Variants in AUTS2 observed in about 807,000 individuals in gnomAD.
AUTS2 encodes activator of transcription and developmental regulator AUTS2.
A neutral mutation model predicts 112.4 loss-of-function variants in AUTS2; 17 were observed. The observed-to-expected ratio is 0.15, with a 90% CI of 0.10 to 0.23. The LOEUF (loss-of-function observed/expected upper bound fraction) is 0.23, where lower values mean the gene tolerates loss of function less well. Ranked by LOEUF, AUTS2 falls within the 10% of genes least tolerant of loss-of-function variation. AUTS2 has a pLI of 1.00. For synonymous variants in AUTS2, 751 were observed against 702.7 expected (o/e 1.07, Z -1.09); for missense variants, 1,510 against 1,701.6 (o/e 0.89, Z 1.98).
At position 70,418,075 on chromosome 7, in the gene AUTS2, C is replaced by CTGTGTGTGTGTGTGTG. The variant is rs34869843; in HGVS notation, c.661-17655_661-17640dup. On this transcript the variant is annotated intron_variant, in intron 4 of 18. Coordinates refer to ENST00000342771, the MANE Select transcript of AUTS2 (RefSeq NM_015570.4). Reference sequence around the variant, plus strand: ...TCACCCAGGCTTGGTGGCTAACTTTCTGTGTGTGTGTGTGTGTGTGTGTGT... The same window carrying CTGTGTGTGTGTGTGTG: ...TCACCCAGGCTTGGTGGCTAACTTTCTGTGTGTGTGTGTGTGTGTGTGTGTGTGTGTGTGTGTGTGT... Among the ~76,000 whole-genome samples, 947 of 136,436 alleles carry CTGTGTGTGTGTGTGTG rather than the reference C, an allele frequency of 6.9e-3. 11 individuals are homozygous for CTGTGTGTGTGTGTGTG. The highest frequency in any genetic ancestry group is 0.011 in the Middle Eastern group (3 of 264). The allele number at this position is 136,436 out of a possible 152,430, so 89.5% of individuals were successfully genotyped here. A position where few individuals can be genotyped will look rare whatever the true frequency, so the allele number is the denominator to read the frequency against.
intron 5 of AUTS2, among the ~76,000 whole-genome samples, chr7:70,609,390 G>A (rs1585372952): frequency 7.1e-6 from 1 of 139,920 alleles, no homozygotes; most frequent in Non-Finnish European, 1.5e-5. Flanking sequence ...GGACAGGATT[G>A]TCTTTTTTTT....
At chr7:70,474,817 A>G (rs1417206368) in intron 5 of AUTS2, among the ~76,000 whole-genome samples, 1 of 152,234 alleles carries the variant, frequency 6.6e-6, no homozygotes, top group Non-Finnish European at 1.5e-5. Context: ...GTGAAGGACC[A>G]GGAAACAGAC....
chr7:69,904,135 A>G (rs1313570028), intron 2 of AUTS2, among the ~76,000 whole-genome samples: 1 of 152,186 alleles, frequency 6.6e-6, no homozygotes, highest in Non-Finnish European at 1.5e-5. Context: ...TAGTGGTGCT[A>G]TAGACTTAAG....
At chr7:70,313,841 C>T (rs1270694400) in intron 4 of AUTS2, among the ~76,000 whole-genome samples, 1 of 152,158 alleles carries the variant, frequency 6.6e-6, no homozygotes, top group Non-Finnish European at 1.5e-5. Context: ...CTTATCCCCC[C>T]GTGGAGACGT....
At chr7:70,752,344 T>A (rs773572590) in intron 6 of AUTS2, among the ~76,000 whole-genome samples, 4 of 152,186 alleles carry the variant, frequency 2.6e-5, no homozygotes, top group Non-Finnish European at 5.9e-5. Flanking sequence ...TGGAAGTGAC[T>A]GGAGATTGCA....
intron 4 of AUTS2, among the ~76,000 whole-genome samples, chr7:70,263,963 G>A (rs562526871): frequency 3.9e-5 from 6 of 152,240 alleles, no homozygotes; most frequent in African/African-American, 1.4e-4. Flanking sequence ...GGAAGTTACC[G>A]GGGGGTCATG....
intron 4 of AUTS2, among the ~76,000 whole-genome samples, chr7:70,408,945 T>C (rs1794659491): frequency 6.6e-6 from 1 of 152,246 alleles, no homozygotes; most frequent in Non-Finnish European, 1.5e-5. Flanking sequence ...CTCTAGATGA[T>C]TCTCAAAATA....
At chr7:70,381,272 G>C (rs1404488512) in intron 4 of AUTS2, among the ~76,000 whole-genome samples, 1 of 152,190 alleles carries the variant, frequency 6.6e-6, no homozygotes, top group African/African-American at 2.4e-5. Flanking sequence ...ATGCAATAGT[G>C]AAGAAATCAA....
At chr7:70,561,340 C>G (rs779752932) in intron 5 of AUTS2, among the ~76,000 whole-genome samples, 1 of 152,142 alleles carries the variant, frequency 6.6e-6, no homozygotes, top group Non-Finnish European at 1.5e-5. Context: ...CATAGGGTAG[C>G]CATAGGGCCA....
chr7:70,340,411 A>G (rs946897697), intron 4 of AUTS2, among the ~76,000 whole-genome samples: 2 of 151,972 alleles, frequency 1.3e-5, no homozygotes, highest in African/African-American at 4.8e-5. Context: ...TAACTGAAAG[A>G]TCTGAATCTC....
At chr7:70,757,729 T>TCCA (rs1198583986) in intron 6 of AUTS2, among the ~76,000 whole-genome samples, 2 of 150,976 alleles carry the variant, frequency 1.3e-5, no homozygotes, top group East Asian at 3.9e-4. Flanking sequence ...TCCCTGTCTA[T>TCCA]CCAGTTCTCA....
At chr7:69,602,228 A>G (rs924935987) in intron 1 of AUTS2, among the ~76,000 whole-genome samples, 2 of 152,006 alleles carry the variant, frequency 1.3e-5, no homozygotes, top group East Asian at 3.9e-4. Flanking sequence ...GTGCCTAAAA[A>G]ACTTGTAATT....
intron 1 of AUTS2, 85 bp downstream of exon 1, chr7:69,600,047 C>A (rs1209384131): frequency 5.1e-6 from 7 of 1,376,440 alleles, no homozygotes; most frequent in East Asian, 2.5e-5. Flanking sequence ...CCTCGCCGCG[C>A]TCCGGGCTGT....
intron 5 of AUTS2, among the ~76,000 whole-genome samples, chr7:70,679,953 G>A (rs576829330): frequency 3.3e-5 from 5 of 152,192 alleles, no homozygotes; most frequent in Admixed American, 6.5e-5. Context: ...TAATGGCCCC[G>A]TAGTACCAAC....
chr7:70,084,109 G>C, intron 2 of AUTS2, among the ~76,000 whole-genome samples: 1 of 151,890 alleles, frequency 6.6e-6, no homozygotes. Flanking sequence ...CAAATTAACT[G>C]TTTTTTGTCA....
chr7:70,492,210 AG>A (rs1335817868), intron 5 of AUTS2, among the ~76,000 whole-genome samples: 4 of 152,070 alleles, frequency 2.6e-5, no homozygotes, highest in Non-Finnish European at 5.9e-5. Context: ...TTGAGACCTG[AG>A]GGTCTCATTA....
rs189747872 is a variant in AUTS2 at position 70,788,649 on chromosome 7, A to C, written c.2532-1099A>C. Among the ~76,000 whole-genome samples, 16 of 152,306 alleles carry C rather than the reference A, an allele frequency of 1.1e-4. No individual in the cohort carries two copies. In the East Asian group the frequency reaches 2.9e-3, roughly 28 times the overall value. On this transcript the variant is annotated intron_variant, in intron 18 of 18. Coordinates refer to ENST00000342771, the MANE Select transcript of AUTS2 (RefSeq NM_015570.4). ...GGCGTCAAAATGGCCTCTTGGATTA[A>C]AGTCAGGAAGCTTAATAAATAAAAT...
In AUTS2 at chr7:70,784,923, G is replaced by A. The variant is rs539087101; in HGVS notation, c.2147-19G>A. 86 of 1,613,530 alleles carry A rather than the reference G, an allele frequency of 5.3e-5. No individual in the cohort carries two copies. The highest frequency in any genetic ancestry group is 1.6e-4 in the South Asian group (15 of 91,048). On this transcript the variant is annotated intron_variant, in intron 15 of 18. Transcript: ENST00000342771. The stretch of plus-strand genomic sequence containing the variant: ...TTGGCTTTTTGTAAACTCTGGTTTC[G>A]TTATGTTTGACTTAACAGGTGCTGC...
intron 1 of AUTS2, among the ~76,000 whole-genome samples, chr7:69,884,422 G>A (rs1794188114): frequency 6.6e-6 from 1 of 152,190 alleles, no homozygotes; most frequent in Non-Finnish European, 1.5e-5. Context: ...AGTATCGACA[G>A]CATTTCAAGT....
Sources: gnomAD v4.1 joint callset for allele counts (sites outside exome capture counted in the v4.1 genomes callset) on GRCh38, gnomAD v4.1.1 for gene constraint, MANE v1.5 for transcripts, NCBI Gene and HGNC (gene_info 2026-07-23, HGNC 2026-07-21) for gene names.